RNF150: variants seen among roughly 807,000 people sequenced by gnomAD.
RNF150 encodes ring finger protein 150.
Under a neutral mutation model 39.3 loss-of-function variants are expected in RNF150, and 24 were observed. The observed-to-expected ratio is 0.61, with a 90% CI of 0.44 to 0.86. The LOEUF is 0.86. RNF150 is among the 40% of genes least tolerant of loss of function. RNF150 has a pLI of 0.00. For synonymous variants in RNF150, 255 were observed against 227.3 expected (o/e 1.12, Z -1.10); for missense variants, 502 against 587.8 (o/e 0.85, Z 1.51).
chr4:141,058,455 A>C (rs753034253), intron 1 of RNF150, among the ~76,000 whole-genome samples: 18 of 152,156 alleles, frequency 1.2e-4, no homozygotes, highest in Non-Finnish European at 2.5e-4. Flanking sequence ...CTTTTCCCAC[A>C]AAATATTCTG....
rs192483144 is a variant in RNF150 at position 140,980,726 on chromosome 4, C to T, written c.485-12853G>A. Among the ~76,000 whole-genome samples, 475 of 152,220 alleles carry T rather than the reference C, an allele frequency of 3.1e-3. 4 individuals carry two copies. Among genetic ancestry groups the T allele is most frequent in the Non-Finnish European group, 2.9e-3 (195 of 68,010 alleles). The stretch of plus-strand genomic sequence containing the variant: ...TGCTGCCATGTGAAGAACGTGTTTG[C>T]TTCCCCTTCCGCATGATTGTAAGTT... On this transcript the variant is annotated intron_variant, in intron 1 of 6. Transcript: ENST00000515673.
chr4:141,076,796 A>G (rs1737912069), intron 1 of RNF150, among the ~76,000 whole-genome samples: 1 of 152,134 alleles, frequency 6.6e-6, no homozygotes, highest in Non-Finnish European at 1.5e-5. Flanking sequence ...AGTAAATACT[A>G]AATAGTTTAG....
intron 6 of RNF150, among the ~76,000 whole-genome samples, chr4:140,897,066 A>T (rs866582848): frequency 1.3e-5 from 2 of 152,162 alleles, no homozygotes; most frequent in African/African-American, 4.8e-5. Context: ...TATTGCATGT[A>T]TCAACACACA....
At chr4:140,924,090 T>G (rs1461940648) in intron 5 of RNF150, among the ~76,000 whole-genome samples, 1 of 152,142 alleles carries the variant, frequency 6.6e-6, no homozygotes, top group African/African-American at 2.4e-5. Context: ...CCTGCACGTT[T>G]TGCACATGTA....
At chr4:140,899,267 G>A (rs1730082956) in intron 6 of RNF150, among the ~76,000 whole-genome samples, 1 of 152,174 alleles carries the variant, frequency 6.6e-6, no homozygotes, top group Non-Finnish European at 1.5e-5. Context: ...ATAAGGAAAT[G>A]TGGCCCAGGA....
At chr4:141,037,077 C>T (rs1168743721) in intron 1 of RNF150, among the ~76,000 whole-genome samples, 2 of 152,160 alleles carry the variant, frequency 1.3e-5, no homozygotes, top group African/African-American at 4.8e-5. Context: ...TGCTATTCTT[C>T]ATTAGGGCAC....
chr4:140,986,218 C>A (rs930192489), intron 1 of RNF150, among the ~76,000 whole-genome samples: 1 of 151,984 alleles, frequency 6.6e-6, no homozygotes, highest in Non-Finnish European at 1.5e-5. Flanking sequence ...GAAGAAAATG[C>A]GCTGCCCACG....
At chr4:140,887,580 T>C (rs2111219812) in intron 6 of RNF150, among the ~76,000 whole-genome samples, 1 of 152,278 alleles carries the variant, frequency 6.6e-6, no homozygotes, top group East Asian at 1.9e-4. Flanking sequence ...CGCATCAACA[T>C]TTCATAAAAA....
intron 1 of RNF150, among the ~76,000 whole-genome samples, chr4:141,150,090 C>G (rs958040973): frequency 2.6e-5 from 4 of 152,104 alleles, no homozygotes; most frequent in African/African-American, 9.7e-5. Context: ...AAAATCATAG[C>G]ATCATTTGCC....
At chr4:141,178,779 A>G (rs1448066948) in intron 1 of RNF150, among the ~76,000 whole-genome samples, 1 of 152,108 alleles carries the variant, frequency 6.6e-6, no homozygotes, top group African/African-American at 2.4e-5. Context: ...AATATTGTTC[A>G]TGTTGAATGA....
rs189550839 is a variant in RNF150 at position 140,866,187 on chromosome 4, T to C, written c.*2074A>G. The stretch of plus-strand genomic sequence containing the variant: ...TAGTTGTGCCAAGTCTCAAAGGCTG[T>C]TATTACATGATACATGTCAAGTAAC... On this transcript the variant is annotated 3_prime_UTR_variant, in exon 7 of 7. Coordinates refer to ENST00000515673, the MANE Select transcript of RNF150 (RefSeq NM_020724.2). The C allele has an allele frequency of 6.6e-6, 1 of 152,362 alleles. No individual in the cohort carries two copies. Among genetic ancestry groups the C allele is most frequent in the Non-Finnish European group, 1.5e-5 (1 of 68,032 alleles). 9.4% of individuals were successfully genotyped at this position (152,362 alleles called of 1,614,324 possible).
intron 1 of RNF150, among the ~76,000 whole-genome samples, chr4:140,972,585 C>T (rs1018675839): frequency 4.6e-5 from 7 of 152,142 alleles, no homozygotes; most frequent in Non-Finnish European, 1.0e-4. Flanking sequence ...AGTGAAAAGG[C>T]TCCCCTGCAG....
intron 6 of RNF150, among the ~76,000 whole-genome samples, chr4:140,905,810 G>C (rs577779045): frequency 7.1e-6 from 1 of 140,664 alleles, no homozygotes; most frequent in South Asian, 2.3e-4. Context: ...CCTTCGTGGG[G>C]TCAAAGGCTG....
chr4:141,158,797 T>G (rs1466649849), intron 1 of RNF150, among the ~76,000 whole-genome samples: 1 of 146,084 alleles, frequency 6.8e-6, no homozygotes, highest in Non-Finnish European at 1.5e-5. Context: ...CAGTATTTCC[T>G]GTGAGTATAA....
chr4:141,182,130 C>T (rs1257973946), intron 1 of RNF150, among the ~76,000 whole-genome samples: 4 of 150,496 alleles, frequency 2.7e-5, no homozygotes, highest in Non-Finnish European at 4.4e-5. Context: ...AATTCAACAA[C>T]CCTTCATGCT....
At chr4:141,076,907 C>G (rs1003184234) in intron 1 of RNF150, among the ~76,000 whole-genome samples, 5 of 152,106 alleles carry the variant, frequency 3.3e-5, no homozygotes, top group Admixed American at 2.0e-4. Flanking sequence ...GTTTGCAGGG[C>G]AGCTTTGATT....
Position 140,992,661 on chromosome 4 carries a change from G to GCC in RNF150, c.485-24790_485-24789dup, listed in dbSNP as rs371095944. On this transcript the variant is annotated intron_variant, in intron 1 of 6. Coordinates refer to ENST00000515673, the MANE Select transcript of RNF150 (RefSeq NM_020724.2). ...GATATGACAAGGCTTTCTAACCCTG[G>GCC]CCCTCCCTGATGGGTAAGGGGCACT... 2.6e-3 allele frequency among the ~76,000 whole-genome samples: 391 copies of GCC among 152,160 alleles called. 2 individuals are homozygous for GCC. Among genetic ancestry groups the GCC allele is most frequent in the African/African-American group, 9.0e-3 (375 of 41,518 alleles).
intron 1 of RNF150, among the ~76,000 whole-genome samples, chr4:141,145,695 C>T (rs1195812155): frequency 2.0e-5 from 3 of 152,308 alleles, no homozygotes; most frequent in Non-Finnish European, 4.4e-5. Flanking sequence ...AAAAGAAAAT[C>T]TCATTTTTGG....
intron 1 of RNF150, among the ~76,000 whole-genome samples, chr4:141,051,198 C>G (rs1193477550): frequency 6.6e-6 from 1 of 152,156 alleles, no homozygotes; most frequent in Non-Finnish European, 1.5e-5. Flanking sequence ...CCCTCCTAGA[C>G]TGCACACAGC....
Sources: gnomAD v4.1 joint callset for allele counts (sites outside exome capture counted in the v4.1 genomes callset) on GRCh38, gnomAD v4.1.1 for gene constraint, MANE v1.5 for transcripts, NCBI Gene and HGNC (gene_info 2026-07-23, HGNC 2026-07-21) for gene names.